The following HIPK1 variants were observed in gnomAD, a reference collection of about 807,000 sequenced individuals.
HIPK1 encodes homeodomain-interacting protein kinase 1.
Under a neutral mutation model 117.1 loss-of-function variants are expected in HIPK1, and 28 were observed. That is an observed-to-expected ratio of 0.24 (90% CI 0.18 to 0.33). The LOEUF (loss-of-function observed/expected upper bound fraction) is 0.33. Ranked by LOEUF, HIPK1 falls within the 10% of genes least tolerant of loss-of-function variation. The pLI, the probability that HIPK1 is intolerant of heterozygous loss-of-function variation, is 1.00. For synonymous variants in HIPK1, 605 were observed against 562.5 expected (o/e 1.08, Z -1.07); for missense variants, 1,122 against 1,475.1 (o/e 0.76, Z 3.92).
chr1:113,951,376 C>CAA, intron 2 of HIPK1: 1 of 678,360 alleles, frequency 1.5e-6, no homozygotes, highest in South Asian at 6.7e-5. Flanking sequence ...CAAATCCTAG[C>CAA]TCTGCCACTT....
At position 113,929,353 on chromosome 1, in the gene HIPK1, G is replaced by T. The variant is rs1669672327; in HGVS notation, c.-182G>T. Reference sequence around the variant, plus strand: ...TTTTACAGTTGGATCCCGTACCACCGCCAGGCACCTTTAAATCACCGCAGA... The same window carrying T: ...TTTTACAGTTGGATCCCGTACCACCTCCAGGCACCTTTAAATCACCGCAGA... On this transcript the variant is annotated 5_prime_UTR_variant, in exon 1 of 16. Coordinates refer to ENST00000426820, the MANE Select transcript of HIPK1 (RefSeq NM_198268.3). 7.0e-6 allele frequency: 9 copies of T among 1,289,476 alleles called. No individual in the cohort carries two copies. The highest frequency in any genetic ancestry group is 9.1e-6 in the Non-Finnish European group (9 of 988,864). 79.9% of individuals were successfully genotyped at this position (1,289,476 alleles called of 1,614,324 possible). A position where few individuals can be genotyped will look rare whatever the true frequency, so the allele number is the denominator to read the frequency against.
intron 1 of HIPK1, 27 bp from the exon 2 acceptor site, chr1:113,940,355 T>G (rs1670566610): frequency 6.5e-7 from 1 of 1,535,424 alleles, no homozygotes. Context: ...ATCCTTGTGG[T>G]CTAATTCTTC....
intron 6 of HIPK1, 30 bp downstream of exon 6, chr1:113,956,841 C>A: frequency 6.3e-7 from 1 of 1,599,330 alleles, no homozygotes; most frequent in Non-Finnish European, 8.6e-7. Flanking sequence ...GGGCTTTTGC[C>A]ATGTGGTTCT....
chr1:113,949,600 CTTTT>C (rs11465018), intron 2 of HIPK1, among the ~76,000 whole-genome samples: 2 of 133,370 alleles, frequency 1.5e-5, no homozygotes, highest in Admixed American at 7.5e-5. Context: ...CTTTTCTTTT[CTTTT>C]TTTTTTTTTT....
At position 113,941,722 on chromosome 1, in the gene HIPK1, A is replaced by G. The variant is rs1476073763; in HGVS notation, c.1076+263A>G. 6.6e-6 allele frequency among the ~76,000 whole-genome samples: 1 copy of G among 152,012 alleles called. No individual in the cohort carries two copies. The highest frequency in any genetic ancestry group is 2.4e-5 in the African/African-American group (1 of 41,410). The stretch of plus-strand genomic sequence containing the variant: ...TTATACTAGCACCTGGTTCTTTAGT[A>G]TTATTTTACCTCATTTTCCCATTTT... On this transcript the variant is annotated intron_variant, in intron 2 of 15. Coordinates refer to ENST00000426820, the MANE Select transcript of HIPK1 (RefSeq NM_198268.3). The surrounding 1 kb of genome is among the most constrained non-coding windows in gnomAD (Gnocchi z 4.9).
intron 1 of HIPK1, among the ~76,000 whole-genome samples, chr1:113,938,250 G>A (rs1193491572): frequency 6.6e-6 from 1 of 151,180 alleles, no homozygotes. Context: ...GATTACAGGC[G>A]TGAGCCACCA....
chr1:113,963,275 T>C (rs773576185), intron 9 of HIPK1, 112 bp from the exon 10 acceptor site: 116 of 1,239,284 alleles, frequency 9.4e-5, no homozygotes, highest in Non-Finnish European at 1.3e-4. Flanking sequence ...TTTTAGATGC[T>C]ATCAAATTAC....
At chr1:113,956,980 T>G in intron 6 of HIPK1, 144 bp from the exon 7 acceptor site, 2 of 886,646 alleles carry the variant, frequency 2.3e-6, no homozygotes, top group Non-Finnish European at 3.5e-6. Context: ...TGTGTATTTT[T>G]CTTCCCTATG....
At chr1:113,972,025 T>C (rs1672866010) in intron 15 of HIPK1, 71 bp downstream of exon 15, 24 of 1,613,276 alleles carry the variant, frequency 1.5e-5, no homozygotes, top group Non-Finnish European at 2.0e-5. Context: ...ACCCTGCTTC[T>C]GGCTGGATGC....
chr1:113,945,857 G>A (rs1202152448), intron 2 of HIPK1, among the ~76,000 whole-genome samples: 1 of 152,082 alleles, frequency 6.6e-6, no homozygotes, highest in Non-Finnish European at 1.5e-5. Context: ...TAAATTTTAG[G>A]ATGGGTTTTT....
chr1:113,973,562 C>T lies in HIPK1; in HGVS notation c.*50C>T, dbSNP rs751322774. ...TCATGGCTACCTTCTCCTGGCCCTG[C>T]GTTCTTAATATTGGGCTATGGAGAG... On this transcript the variant is annotated 3_prime_UTR_variant, in exon 16 of 16. Coordinates refer to ENST00000426820, the MANE Select transcript of HIPK1 (RefSeq NM_198268.3). 98 of 1,530,914 alleles carry T rather than the reference C, an allele frequency of 6.4e-5. No individual in the cohort carries two copies. The Admixed American group carries it at 1.6e-3, about 25-fold the overall frequency. The allele number at this position is 1,530,914 out of a possible 1,614,324, so 94.8% of individuals were successfully genotyped here.
At chr1:113,947,945 A>G (rs1345342624) in intron 2 of HIPK1, among the ~76,000 whole-genome samples, 1 of 152,220 alleles carries the variant, frequency 6.6e-6, no homozygotes, top group Non-Finnish European at 1.5e-5. Context: ...AAAGGGACCT[A>G]GAAGAGTAAT....
At chr1:113,953,348 G>C (rs1286622723) in intron 3 of HIPK1, among the ~76,000 whole-genome samples, 1 of 152,142 alleles carries the variant, frequency 6.6e-6, no homozygotes, top group Non-Finnish European at 1.5e-5. Flanking sequence ...GGGTCGCTAA[G>C]ATAGGATTTA....
intron 3 of HIPK1, among the ~76,000 whole-genome samples, chr1:113,953,516 T>C (rs1045795701): frequency 2.6e-5 from 4 of 152,198 alleles, no homozygotes; most frequent in Admixed American, 6.5e-5. Context: ...TTATTTTTTC[T>C]TTTTTCTTTT....
At position 113,977,599 on chromosome 1, in the gene HIPK1, AATC is replaced by A. The variant is rs1673206335; in HGVS notation, c.*4090_*4092del. On this transcript the variant is annotated 3_prime_UTR_variant, in exon 16 of 16. Coordinates refer to ENST00000426820, the MANE Select transcript of HIPK1 (RefSeq NM_198268.3). Reference sequence around the variant, plus strand: ...GATGTACTTAGGGAGTATGTAAAATAATCATTTTAACAAAAGAAATAGATATTT... The same window carrying A: ...GATGTACTTAGGGAGTATGTAAAATAATTTTAACAAAAGAAATAGATATTT... 2 of 152,714 alleles carry A rather than the reference AATC, an allele frequency of 1.3e-5. No homozygotes were observed. The highest frequency in any genetic ancestry group is 6.5e-5 in the Admixed American group (1 of 15,288). The allele number at this position is 152,714 out of a possible 1,614,324, so 9.5% of individuals were successfully genotyped here.
chr1:113,932,386 T>TA (rs1023075400), intron 1 of HIPK1, among the ~76,000 whole-genome samples: 9 of 150,802 alleles, frequency 6.0e-5, no homozygotes, highest in African/African-American at 2.2e-4. Flanking sequence ...TTTTTTTTTT[T>TA]TTTTTATTTG....
chr1:113,938,929 TACACACACACACACAC>T (rs55979020), intron 1 of HIPK1, among the ~76,000 whole-genome samples: 6 of 115,500 alleles, frequency 5.2e-5, no homozygotes, highest in African/African-American at 1.0e-4. Flanking sequence ...AAAAAAAAAA[TACACACACACACACAC>T]ACACACACAC....
intron 11 of HIPK1, among the ~76,000 whole-genome samples, chr1:113,967,525 T>C (rs1672532473): frequency 6.6e-6 from 1 of 152,224 alleles, no homozygotes; most frequent in Non-Finnish European, 1.5e-5. Flanking sequence ...GTAAGTCATC[T>C]TTTGGAAAAT....
intron 1 of HIPK1, among the ~76,000 whole-genome samples, chr1:113,938,927 A>AAAT (rs1553265982): frequency 4.2e-5 from 5 of 118,454 alleles, no homozygotes; most frequent in African/African-American, 1.7e-4. Context: ...AAAAAAAAAA[A>AAAT]ATACACACAC....
Sources: gnomAD v4.1 joint callset for allele counts (sites outside exome capture counted in the v4.1 genomes callset) on GRCh38, gnomAD v4.1.1 for gene constraint, Gnocchi (gnomAD v3.1) non-coding constraint, MANE v1.5 for transcripts, NCBI Gene and HGNC (gene_info 2026-07-23, HGNC 2026-07-21) for gene names.